RBFOX1: variants seen among roughly 807,000 people sequenced by gnomAD.
The protein encoded by RBFOX1 is RNA binding fox-1 homolog 1.
In RBFOX1, 8 loss-of-function variants were observed where a neutral mutation model predicts 57.7. The observed-to-expected ratio is 0.14, with a 90% CI of 0.08 to 0.25. The LOEUF (loss-of-function observed/expected upper bound fraction) is 0.25. Among genes scored for constraint, RBFOX1 ranks in the 10% least tolerant of loss-of-function variants. The probability of loss-of-function intolerance (pLI) is 1.00; values close to 1 mark genes in which losing one functional copy is unlikely to be tolerated. For missense variants in RBFOX1, 611 were observed against 548.5 expected, an observed-to-expected ratio of 1.11 and a Z score of -1.14; for synonymous variants, 326 against 222.4, an observed-to-expected ratio of 1.47 and a Z score of -4.15.
At chr16:5,962,340 G>T (rs916054971) in intron 4 of RBFOX1, among the ~76,000 whole-genome samples, 4 of 152,180 alleles carry the variant, frequency 2.6e-5, no homozygotes. Context: ...TATCAGGACA[G>T]TTTTCTTTGA....
chr16:6,661,245 A>G lies in RBFOX1; in HGVS notation c.-16+6595A>G, dbSNP rs147176091. 1.8e-3 allele frequency among the ~76,000 whole-genome samples: 272 copies of G among 152,332 alleles called. 1 individual carries two copies. The highest frequency in any genetic ancestry group is 6.1e-3 in the African/African-American group (254 of 41,578). ...AGACTTACAAGACTTGAGTGTTGAA[A>G]GCTAACTCTCAGTGGGTTAGAAAGA... On this transcript the variant is annotated intron_variant, in intron 3 of 15. Transcript: ENST00000550418.
intron 1 of RBFOX1, among the ~76,000 whole-genome samples, chr16:5,352,610 C>G (rs2065287022): frequency 6.6e-6 from 1 of 152,046 alleles, no homozygotes; most frequent in Non-Finnish European, 1.5e-5. Flanking sequence ...TCTTACATGA[C>G]CAAAATGTAA....
At chr16:7,465,774 C>A (rs185479200) in intron 4 of RBFOX1, among the ~76,000 whole-genome samples, 54 of 152,238 alleles carry the variant, frequency 3.5e-4, no homozygotes, top group Non-Finnish European at 7.4e-5. Context: ...TAATGCTGAA[C>A]CCCAGGAATA....
intron 3 of RBFOX1, among the ~76,000 whole-genome samples, chr16:6,989,317 T>C (rs536047559): frequency 2.6e-5 from 4 of 152,348 alleles, no homozygotes; most frequent in East Asian, 1.9e-4. Flanking sequence ...TTTACAATTA[T>C]ATGTGCTTCT....
chr16:6,498,277 C>G (rs1414584679), intron 2 of RBFOX1, among the ~76,000 whole-genome samples: 1 of 149,004 alleles, frequency 6.7e-6, no homozygotes, highest in African/African-American at 2.5e-5. Context: ...AAAAGGATGA[C>G]AATTCCAGAT....
intron 2 of RBFOX1, among the ~76,000 whole-genome samples, chr16:5,497,869 T>C (rs971972633): frequency 1.3e-5 from 2 of 152,174 alleles, no homozygotes; most frequent in Non-Finnish European, 2.9e-5. Flanking sequence ...GCAGGGAGGA[T>C]GCTTTAGGTA....
intron 3 of RBFOX1, among the ~76,000 whole-genome samples, chr16:6,934,506 A>T (rs754069318): frequency 1.1e-4 from 16 of 152,166 alleles, no homozygotes; most frequent in Non-Finnish European, 1.9e-4. Flanking sequence ...TGGACAAAGA[A>T]CATGTGGTAT....
At chr16:5,630,060 T>C (rs1278081976) in intron 3 of RBFOX1, among the ~76,000 whole-genome samples, 1 of 152,224 alleles carries the variant, frequency 6.6e-6, no homozygotes, top group Non-Finnish European at 1.5e-5. Context: ...ATCAGGATTC[T>C]CTGTTTCTTT....
chr16:7,256,570 T>C (rs1273202572), intron 4 of RBFOX1, among the ~76,000 whole-genome samples: 1 of 152,194 alleles, frequency 6.6e-6, no homozygotes, highest in Admixed American at 6.5e-5. Context: ...GTTTATACCA[T>C]GTAAACTGTG....
chr16:5,823,259 C>G (rs2055919055), intron 3 of RBFOX1, among the ~76,000 whole-genome samples: 1 of 152,030 alleles, frequency 6.6e-6, no homozygotes, highest in Admixed American at 6.5e-5. Flanking sequence ...ATAGTTGGTA[C>G]TTGATAACTA....
chr16:5,249,529 G>C (rs2062392044), intron 1 of RBFOX1, among the ~76,000 whole-genome samples: 1 of 152,268 alleles, frequency 6.6e-6, no homozygotes, highest in African/African-American at 2.4e-5. Context: ...TCCTGATGTG[G>C]GGGTAAGCCC....
At chr16:6,005,916 CTATT>C (rs1169118454) in intron 4 of RBFOX1, among the ~76,000 whole-genome samples, 1 of 152,112 alleles carries the variant, frequency 6.6e-6, no homozygotes, top group Non-Finnish European at 1.5e-5. Context: ...ACAGAAGAGA[CTATT>C]TAGAGACGAA....
chr16:6,660,057 T>A (rs1015370741), intron 3 of RBFOX1, among the ~76,000 whole-genome samples: 5 of 151,858 alleles, frequency 3.3e-5, no homozygotes, highest in African/African-American at 9.7e-5. Context: ...AAACATCATC[T>A]CTACCACAAA....
At chr16:6,190,990 G>C (rs919778967) in intron 1 of RBFOX1, among the ~76,000 whole-genome samples, 7 of 152,136 alleles carry the variant, frequency 4.6e-5, no homozygotes, top group Non-Finnish European at 1.0e-4. Flanking sequence ...CAGCCTCCCA[G>C]CCTCTCCCGA....
At chr16:7,041,048 T>G (rs1187861631) in intron 3 of RBFOX1, among the ~76,000 whole-genome samples, 2 of 150,916 alleles carry the variant, frequency 1.3e-5, no homozygotes, top group Non-Finnish European at 2.9e-5. Context: ...CCTGAGTAGC[T>G]GGGATTACAG....
intron 2 of RBFOX1, among the ~76,000 whole-genome samples, chr16:6,522,046 T>G (rs1453810262): frequency 6.6e-6 from 1 of 152,146 alleles, no homozygotes; most frequent in Non-Finnish European, 1.5e-5. Context: ...TGTTAGGAGA[T>G]TTGGCAGAGT....
intron 4 of RBFOX1, among the ~76,000 whole-genome samples, chr16:5,988,591 C>G (rs1205129169): frequency 6.6e-6 from 1 of 152,152 alleles, no homozygotes; most frequent in East Asian, 1.9e-4. Flanking sequence ...TGAGCCTCCA[C>G]TGGGACGACT....
chr16:5,766,520 G>A (rs887078553), intron 3 of RBFOX1, among the ~76,000 whole-genome samples: 2 of 152,258 alleles, frequency 1.3e-5, no homozygotes, highest in African/African-American at 4.8e-5. Flanking sequence ...GGGAGGCAGA[G>A]GTTGCAGTGA....
intron 4 of RBFOX1, among the ~76,000 whole-genome samples, chr16:7,275,369 G>A (rs1016435862): frequency 6.6e-6 from 1 of 152,156 alleles, no homozygotes; most frequent in Non-Finnish European, 1.5e-5. Context: ...TTTTAGACAT[G>A]TGTGTTGCTT....
Sources: allele counts gnomAD v4.1 joint callset (sites outside exome capture counted in the v4.1 genomes callset), GRCh38; gene constraint gnomAD v4.1.1; transcripts MANE v1.5; gene names NCBI Gene and HGNC (gene_info 2026-07-23, HGNC 2026-07-21).